Variants in SLIT2 observed in about 807,000 individuals in gnomAD.
SLIT2 encodes slit guidance ligand 2, also known as slit homolog 2 protein.
In SLIT2, 41 loss-of-function variants were observed where a neutral mutation model predicts 185.7. The ratio of observed to expected loss-of-function variants is 0.22; its 90% CI spans 0.17 to 0.29. The LOEUF (loss-of-function observed/expected upper bound fraction) is 0.29. Among genes scored for constraint, SLIT2 ranks in the 10% least tolerant of loss-of-function variants. The probability of loss-of-function intolerance (pLI) is 1.00; values close to 1 mark genes in which losing one functional copy is unlikely to be tolerated. For synonymous variants in SLIT2, 693 were observed against 680.2 expected (o/e 1.02, Z -0.29); for missense variants, 1,571 against 1,909.0 (o/e 0.82, Z 3.30).
chr4:20,594,865 T>C (rs1014387944), intron 30 of SLIT2, among the ~76,000 whole-genome samples: 2 of 152,174 alleles, frequency 1.3e-5, no homozygotes, highest in Non-Finnish European at 2.9e-5. Context: ...CTTTGTTCCT[T>C]AGTCTCCTCA....
intron 4 of SLIT2, among the ~76,000 whole-genome samples, chr4:20,421,300 T>C (rs1320188082): frequency 6.6e-6 from 1 of 152,194 alleles, no homozygotes; most frequent in Non-Finnish European, 1.5e-5. Flanking sequence ...TCTGATCTTT[T>C]CATGCCACTT....
chr4:20,518,557 G>GTATATATATATATATATATATA (rs1159322360), intron 11 of SLIT2, among the ~76,000 whole-genome samples: 3 of 17,842 alleles, frequency 1.7e-4, no homozygotes, highest in Admixed American at 1.1e-3. Context: ...CAGCCTATAT[G>GTATATATATATATATATATATA]TATATATATA....
At chr4:20,302,670 C>T (rs1279588592) in intron 4 of SLIT2, among the ~76,000 whole-genome samples, 1 of 152,062 alleles carries the variant, frequency 6.6e-6, no homozygotes, top group Non-Finnish European at 1.5e-5. Context: ...GGTGTAACAT[C>T]CACCAGAGGA....
chr4:20,479,715 A>T (rs185219940), intron 5 of SLIT2, among the ~76,000 whole-genome samples: 1 of 152,210 alleles, frequency 6.6e-6, no homozygotes, highest in East Asian at 1.9e-4. Context: ...GAACAAGAAA[A>T]TTTTAATTCT....
At chr4:20,360,794 T>C (rs538000045) in intron 4 of SLIT2, among the ~76,000 whole-genome samples, 10 of 152,248 alleles carry the variant, frequency 6.6e-5, no homozygotes, top group African/African-American at 2.2e-4. Flanking sequence ...GATTATTTTT[T>C]AAAAAATAGA....
rs1205039657 is a variant in SLIT2, at chr4:20,472,295, G to GATATATATCT, written c.467+4479_467+4480insTCTATATATA. ...ATATATCTATATATATAGATATATA[G>GATATATATCT]ATATATAGATCTATATATAGATATA... On this transcript the variant is annotated intron_variant, in intron 5 of 36. Coordinates refer to ENST00000504154, the MANE Select transcript of SLIT2 (RefSeq NM_004787.4). Among the ~76,000 whole-genome samples, 181 of 25,874 alleles carry GATATATATCT rather than the reference G, an allele frequency of 7.0e-3. 35 individuals are homozygous for GATATATATCT. The highest frequency in any genetic ancestry group is 0.02 in the East Asian group (8 of 404). The allele number at this position is 25,874 out of a possible 152,430, so 17.0% of individuals were successfully genotyped here.
rs984888419 is a variant in SLIT2, at chr4:20,608,201, A to G, written c.3693-1812A>G. ...ATTTTACATAGTCCTCAAATTAACCATGGAAGGCAGAAATATTTATTAGCA... is the reference window on the plus strand; with the variant it reads ...ATTTTACATAGTCCTCAAATTAACCGTGGAAGGCAGAAATATTTATTAGCA... On this transcript the variant is annotated intron_variant, in intron 33 of 36. Transcript: ENST00000504154. Among the ~76,000 whole-genome samples, 5 of 152,126 alleles carry G rather than the reference A, an allele frequency of 3.3e-5. No individual in the cohort carries two copies. The South Asian group carries it at 6.2e-4, about 19-fold the overall frequency.
intron 4 of SLIT2, among the ~76,000 whole-genome samples, chr4:20,421,856 A>G (rs1446305410): frequency 2.0e-5 from 3 of 152,052 alleles, no homozygotes; most frequent in Non-Finnish European, 4.4e-5. Flanking sequence ...GCACCTGTGC[A>G]TGTGCATGCA....
At chr4:20,444,973 A>G (rs1711601426) in intron 4 of SLIT2, among the ~76,000 whole-genome samples, 1 of 152,178 alleles carries the variant, frequency 6.6e-6, no homozygotes, top group Non-Finnish European at 1.5e-5. Context: ...ATTTATAATA[A>G]TATCAGACCT....
At chr4:20,269,052 C>T (rs190051472) in intron 4 of SLIT2, among the ~76,000 whole-genome samples, 171 bp downstream of exon 4, 59 of 151,668 alleles carry the variant, frequency 3.9e-4, no homozygotes, top group African/African-American at 1.3e-3. Flanking sequence ...CTAGTGGTTC[C>T]AGTTGTTTTA....
intron 4 of SLIT2, among the ~76,000 whole-genome samples, chr4:20,415,802 G>A (rs1727625478): frequency 2.6e-5 from 4 of 152,134 alleles, no homozygotes; most frequent in Non-Finnish European, 4.4e-5. Flanking sequence ...TTTTATAGAT[G>A]AGGAAACTGA....
At chr4:20,491,305 A>G (rs1035011657) in intron 8 of SLIT2, among the ~76,000 whole-genome samples, 2 of 152,204 alleles carry the variant, frequency 1.3e-5, no homozygotes, top group African/African-American at 4.8e-5. Context: ...AGCAACAATT[A>G]TCTTCTGATG....
chr4:20,543,075 T>A (rs890531486), intron 21 of SLIT2, among the ~76,000 whole-genome samples: 6 of 148,282 alleles, frequency 4.0e-5, no homozygotes, highest in African/African-American at 1.2e-4. Context: ...TACAGGAAAC[T>A]TTTTTTTTTA....
chr4:20,285,119 G>A lies in SLIT2; in HGVS notation c.395+16238G>A, dbSNP rs376757819. On this transcript the variant is annotated intron_variant, in intron 4 of 36. Coordinates refer to ENST00000504154, the MANE Select transcript of SLIT2 (RefSeq NM_004787.4). ...AAGAATTCAGTGTCTGCACATAAAAGGCCATTATCTTATCTTAGCAACTCC... is the reference window on the plus strand; with the variant it reads ...AAGAATTCAGTGTCTGCACATAAAAAGCCATTATCTTATCTTAGCAACTCC... Among the ~76,000 whole-genome samples, 40 of 152,322 alleles carry A rather than the reference G, an allele frequency of 2.6e-4. 1 individual carries two copies. In the East Asian group the frequency reaches 2.9e-3, roughly 11 times the overall value.
intron 4 of SLIT2, among the ~76,000 whole-genome samples, chr4:20,322,543 T>C (rs1241509605): frequency 6.6e-6 from 1 of 152,170 alleles, no homozygotes; most frequent in South Asian, 2.1e-4. Context: ...AATTTTGAGT[T>C]TTTTTCTTTT....
chr4:20,294,035 GT>G (rs1319257195), intron 4 of SLIT2, among the ~76,000 whole-genome samples: 1 of 151,046 alleles, frequency 6.6e-6, no homozygotes, highest in Non-Finnish European at 1.5e-5. Flanking sequence ...TTGTTTGTTT[GT>G]TTTTTGTCTT....
intron 4 of SLIT2, among the ~76,000 whole-genome samples, chr4:20,398,879 A>G (rs1317315409): frequency 2.0e-5 from 3 of 151,814 alleles, no homozygotes; most frequent in Non-Finnish European, 4.4e-5. Context: ...CCTTTCGACA[A>G]TACAAAATTC....
At chr4:20,577,005 C>A (rs1398490630) in intron 29 of SLIT2, among the ~76,000 whole-genome samples, 1 of 150,924 alleles carries the variant, frequency 6.6e-6, no homozygotes, top group African/African-American at 2.4e-5. Flanking sequence ...TAAAAATATA[C>A]CAGATGCTTA....
intron 16 of SLIT2, among the ~76,000 whole-genome samples, chr4:20,531,383 A>G (rs1721793615): frequency 1.3e-5 from 2 of 152,350 alleles, no homozygotes; most frequent in Admixed American, 1.3e-4. Context: ...TACATCTTAC[A>G]TGATTCCGTT....
Sources: allele counts gnomAD v4.1 joint callset (sites outside exome capture counted in the v4.1 genomes callset), GRCh38; gene constraint gnomAD v4.1.1; transcripts MANE v1.5; gene names NCBI Gene and HGNC (gene_info 2026-07-23, HGNC 2026-07-21).